CLEC2A: variants seen among roughly 807,000 people sequenced by gnomAD.
The protein encoded by CLEC2A is C-type lectin domain family 2 member A.
In CLEC2A, 19 loss-of-function variants were observed where a neutral mutation model predicts 18.6. The ratio of observed to expected loss-of-function variants is 1.02; its 90% confidence interval spans 0.71 to 1.50. CLEC2A has a LOEUF of 1.50. CLEC2A is among the 40% of genes most tolerant of loss of function. The pLI, the probability that CLEC2A is intolerant of heterozygous loss-of-function variation, is 0.00. For missense variants in CLEC2A, 190 were observed against 207.9 expected, an observed-to-expected ratio of 0.91 and a Z score of 0.53; for synonymous variants, 74 against 64.0, an observed-to-expected ratio of 1.16 and a Z score of -0.75.
chr12:9,886,262 T>G, the CLEC2A span, among the ~76,000 whole-genome samples: 1 of 152,160 alleles, frequency 6.6e-6, no homozygotes, highest in Non-Finnish European at 1.5e-5. Context: ...GTTTAAAATA[T>G]TCTTCATGGC....
chr12:9,917,057 T>C (rs1223731432), intron 3 of CLEC2A, among the ~76,000 whole-genome samples: 1 of 152,202 alleles, frequency 6.6e-6, no homozygotes, highest in Non-Finnish European at 1.5e-5. Flanking sequence ...CCCTTTAGTA[T>C]GAATGTCACT....
chr12:9,914,356 A>G (rs1256079001), intron 4 of CLEC2A, among the ~76,000 whole-genome samples: 12 of 152,198 alleles, frequency 7.9e-5, no homozygotes, highest in Non-Finnish European at 5.9e-5. Context: ...GAATTAGAAG[A>G]AAACTACTTT....
rs374211070 is a variant in CLEC2A, at chr12:9,922,808, A to G, written c.140-576T>C. Among the ~76,000 whole-genome samples, 25 of 152,338 alleles carry G rather than the reference A, an allele frequency of 1.6e-4. No homozygotes were observed. In the South Asian group the frequency reaches 5.0e-3, roughly 30 times the overall value. ...TTAGGTGCTAAGTATTCAGAATAAG[A>G]CAAGTCCATGCATTCCACATGTTTG... On this transcript the variant is annotated intron_variant, in intron 2 of 4. Transcript: ENST00000455827.
intron 4 of CLEC2A, among the ~76,000 whole-genome samples, chr12:9,907,692 T>C (rs1391465421): frequency 3.3e-5 from 5 of 152,202 alleles, no homozygotes; most frequent in Non-Finnish European, 7.3e-5. Flanking sequence ...ATATGTGTTT[T>C]GGGGTATGAA....
intron 3 of CLEC2A, among the ~76,000 whole-genome samples, chr12:9,917,386 G>A (rs1863089851): frequency 6.6e-6 from 1 of 152,098 alleles, no homozygotes; most frequent in Admixed American, 6.5e-5. Flanking sequence ...GGTTAATTAT[G>A]GCAATATGCT....
At chr12:9,892,478 TCAGA>T in the CLEC2A span, among the ~76,000 whole-genome samples, 4 of 151,976 alleles carry the variant, frequency 2.6e-5, no homozygotes, top group Admixed American at 2.6e-4. Context: ...ATTATGGGGA[TCAGA>T]ATTCACAGGC....
chr12:9,879,472 C>T, the CLEC2A span, among the ~76,000 whole-genome samples: 2 of 152,194 alleles, frequency 1.3e-5, no homozygotes, highest in Non-Finnish European at 2.9e-5. Context: ...TCTTGAATGA[C>T]TATACACTGG....
downstream of CLEC2A, among the ~76,000 whole-genome samples, chr12:9,910,263 C>T (rs888606001): frequency 6.6e-6 from 1 of 152,162 alleles, no homozygotes; most frequent in Non-Finnish European, 1.5e-5. Flanking sequence ...AGGCAACTAT[C>T]AGGAGGAATT....
At chr12:9,912,458 A>G (rs1394706207), downstream of CLEC2A, among the ~76,000 whole-genome samples, 2 of 152,158 alleles carry the variant, frequency 1.3e-5, no homozygotes, top group African/African-American at 4.8e-5. Flanking sequence ...CAGAAGCTGG[A>G]GGATGAAAAT....
At chr12:9,889,561 T>C in the CLEC2A span, among the ~76,000 whole-genome samples, 1 of 152,118 alleles carries the variant, frequency 6.6e-6, no homozygotes, top group Non-Finnish European at 1.5e-5. Context: ...TTCATCCTGT[T>C]GGCCTATTCT....
chr12:9,879,461 T>G, the CLEC2A span, among the ~76,000 whole-genome samples: 1 of 152,232 alleles, frequency 6.6e-6, no homozygotes, highest in Non-Finnish European at 1.5e-5. Context: ...TTCAGTCATT[T>G]TCTTGAATGA....
downstream of CLEC2A, chr12:9,895,962 A>AC: frequency 8.4e-6 from 7 of 838,262 alleles, no homozygotes; most frequent in Non-Finnish European, 1.0e-5. Flanking sequence ...GGAGAAAAGT[A>AC]TTTTATCCTG....
chr12:9,914,160 C>T (rs1425057269), intron 4 of CLEC2A, among the ~76,000 whole-genome samples: 2 of 152,230 alleles, frequency 1.3e-5, no homozygotes, highest in African/African-American at 4.8e-5. Context: ...ACTTTTGAAA[C>T]ATACTGCAAT....
intron 1 of CLEC2A, among the ~76,000 whole-genome samples, chr12:9,930,662 T>A (rs541920218): frequency 1.3e-5 from 2 of 152,160 alleles, no homozygotes; most frequent in Admixed American, 1.3e-4. Context: ...GAAGTTTCAG[T>A]TTGAGGTATT....
chr12:9,894,101 CTCTTTT>C (rs1314030816), downstream of CLEC2A, among the ~76,000 whole-genome samples: 9 of 147,862 alleles, frequency 6.1e-5, no homozygotes, highest in African/African-American at 2.3e-4. Flanking sequence ...TTCTCTTTCT[CTCTTTT>C]TCTTTTTCTT....
chr12:9,902,414 G>A (rs11053501), intron 4 of CLEC2A, among the ~76,000 whole-genome samples: 3,778 of 151,888 alleles, frequency 0.025, 163 homozygotes, highest in African/African-American at 0.086. Context: ...TGAATTTGTA[G>A]TAGAAACGAG....
At chr12:9,907,194 T>A (rs1178957008) in intron 4 of CLEC2A, among the ~76,000 whole-genome samples, 1 of 152,186 alleles carries the variant, frequency 6.6e-6, no homozygotes, top group African/African-American at 2.4e-5. Flanking sequence ...TAAGTACCCC[T>A]AAAGCCACCC....
the CLEC2A span, among the ~76,000 whole-genome samples, chr12:9,886,763 C>CAAA: frequency 1.1e-3 from 114 of 102,468 alleles, 1 homozygote; most frequent in South Asian, 1.7e-3. Context: ...CTATATCATG[C>CAAA]AAAAAAAAAA....
chr12:9,895,898 T>C (rs988916238), downstream of CLEC2A: 15 of 1,404,406 alleles, frequency 1.1e-5, no homozygotes, highest in Admixed American at 3.1e-5. Flanking sequence ...AGACTTAAGA[T>C]TTTTAGATAA....
Sources: allele counts gnomAD v4.1 joint callset (sites outside exome capture counted in the v4.1 genomes callset), GRCh38; gene constraint gnomAD v4.1.1; transcripts MANE v1.5; gene names NCBI Gene and HGNC (gene_info 2026-07-23, HGNC 2026-07-21).